Variants in MTSS1 observed in about 807,000 individuals in gnomAD.
MTSS1 encodes MTSS I-BAR domain containing 1.
MTSS1 carries 18 observed loss-of-function variants against 79.0 expected under a neutral mutation model. The ratio of observed to expected loss-of-function variants is 0.23; its 90% CI spans 0.16 to 0.34. The LOEUF is 0.34. Among genes scored for constraint, MTSS1 ranks in the 10% least tolerant of loss-of-function variants. The pLI is 1.00. For missense variants in MTSS1, 815 were observed against 986.2 expected (o/e 0.83, Z 2.33); for synonymous variants, 341 against 368.6 (o/e 0.93, Z 0.86).
intron 10 of MTSS1, chr8:124,558,690 G>T: frequency 6.6e-7 from 1 of 1,521,418 alleles, no homozygotes; most frequent in Non-Finnish European, 8.8e-7. Context: ...TGGGGCCGCT[G>T]TGGCTGCCAC....
intron 3 of MTSS1, among the ~76,000 whole-genome samples, chr8:124,670,912 C>T (rs895586469): frequency 3.3e-5 from 5 of 152,098 alleles, no homozygotes; most frequent in African/African-American, 9.7e-5. Flanking sequence ...TGCCAAAAGG[C>T]CAGGTCAACC....
intron 3 of MTSS1, among the ~76,000 whole-genome samples, chr8:124,686,684 T>C (rs1827039688): frequency 6.6e-6 from 1 of 151,956 alleles, no homozygotes; most frequent in African/African-American, 2.4e-5. Context: ...ACTGAGAGGG[T>C]GTAGAGGCCG....
At chr8:124,602,207 A>ATACACACACACATATATATATATATATAT in intron 3 of MTSS1, among the ~76,000 whole-genome samples, 4 of 142,212 alleles carry the variant, frequency 2.8e-5, no homozygotes, top group Non-Finnish European at 6.0e-5. Flanking sequence ...ATATATATAT[A>ATACACACACACATATATATATATATATAT]ATTTTTTTTT....
chr8:124,662,266 C>G (rs916776392), intron 3 of MTSS1, among the ~76,000 whole-genome samples: 1 of 152,154 alleles, frequency 6.6e-6, no homozygotes, highest in African/African-American at 2.4e-5. Flanking sequence ...TGAATAGAAG[C>G]TGCCTATCTG....
chr8:124,590,313 C>T (rs1831634045), intron 4 of MTSS1, among the ~76,000 whole-genome samples: 1 of 152,216 alleles, frequency 6.6e-6, no homozygotes, highest in Non-Finnish European at 1.5e-5. Context: ...ACAGGGACCC[C>T]CAAAATGCAA....
In MTSS1 at chr8:124,563,051, G is replaced by T; in HGVS notation, c.825-59C>A. On this transcript the variant is annotated intron_variant, in intron 9 of 13. Transcript: ENST00000518547. ...CGGAAGGTAAAGAAAGGGGAGCAGT[G>T]GTAAGAGGAAGGAGGAAGGAGGGGA... 3 of 1,445,798 alleles carry T rather than the reference G, an allele frequency of 2.1e-6. 1 individual carries two copies. The highest frequency in any genetic ancestry group is 2.4e-4 in the Middle Eastern group (1 of 4,254). 89.6% of individuals were successfully genotyped at this position (1,445,798 alleles called of 1,614,324 possible).
At chr8:124,677,888 G>A (rs1026607183) in intron 3 of MTSS1, among the ~76,000 whole-genome samples, 1 of 152,064 alleles carries the variant, frequency 6.6e-6, no homozygotes, top group Non-Finnish European at 1.5e-5. Context: ...AAAGTTAAAT[G>A]TTTCATTCCT....
chr8:124,717,833 T>G (rs994761011), intron 1 of MTSS1, among the ~76,000 whole-genome samples: 1 of 152,224 alleles, frequency 6.6e-6, no homozygotes, highest in Non-Finnish European at 1.5e-5. Flanking sequence ...CACTAGAATG[T>G]AAGTTCCAGG....
At chr8:124,677,302 A>C (rs1825467172) in intron 3 of MTSS1, among the ~76,000 whole-genome samples, 1 of 152,168 alleles carries the variant, frequency 6.6e-6, no homozygotes, top group Non-Finnish European at 1.5e-5. Flanking sequence ...CTTCCCTCCC[A>C]AGGGTACTTT....
intron 3 of MTSS1, among the ~76,000 whole-genome samples, chr8:124,599,980 G>C (rs958508762): frequency 1.3e-5 from 2 of 151,594 alleles, no homozygotes; most frequent in East Asian, 3.9e-4. Context: ...CACATTTGCT[G>C]TCTGTGTGGT....
In MTSS1 at chr8:124,553,577, C is replaced by T; in HGVS notation, c.1683G>A (p.Met561Ile). 6.2e-7 allele frequency: 1 copy of T among 1,614,192 alleles called. No homozygotes were observed. Among genetic ancestry groups the T allele is most frequent in the Non-Finnish European group, 8.5e-7 (1 of 1,180,028 alleles). The change falls in exon 14 of 14, where the codon ATG (methionine) becomes ATA (isoleucine). Residue 561 changes from methionine (M) to isoleucine (I), a missense_variant. Met to Ile is a conservative substitution (Grantham distance 10). Coordinates refer to ENST00000518547, the MANE Select transcript of MTSS1 (RefSeq NM_014751.6). This position sits in a 1 kb window ranked among gnomAD's most constrained non-coding sequence, Gnocchi z 6.0. Reference protein sequence around the residue: ...NSDISQSYRRMFQAKRPASTA... With the variant: ...NSDISQSYRRIFQAKRPASTA... ...TTGAGGCTGGACGCTTGGCTTGGAA[C>T]ATCCGTCGGTAGGACTGGCTGATGT... is the stretch of plus-strand genomic sequence containing the variant.
intron 4 of MTSS1, among the ~76,000 whole-genome samples, chr8:124,590,601 G>C (rs1280119975): frequency 2.0e-5 from 3 of 152,188 alleles, no homozygotes; most frequent in African/African-American, 7.2e-5. Flanking sequence ...TAAAACTGCT[G>C]AATGATGCTG....
At chr8:124,631,023 G>A (rs1054542371) in intron 3 of MTSS1, among the ~76,000 whole-genome samples, 3 of 152,184 alleles carry the variant, frequency 2.0e-5, no homozygotes, top group African/African-American at 7.2e-5. Flanking sequence ...AACTACACCT[G>A]GAGCCAGAAA....
At chr8:124,636,080 G>A (rs1386305494) in intron 3 of MTSS1, among the ~76,000 whole-genome samples, 1 of 152,114 alleles carries the variant, frequency 6.6e-6, no homozygotes, top group Non-Finnish European at 1.5e-5. Flanking sequence ...AGTCCAAAGA[G>A]CGCAGCCCTG....
At chr8:124,711,407 G>C (rs1460581552) in intron 1 of MTSS1, among the ~76,000 whole-genome samples, 1 of 152,168 alleles carries the variant, frequency 6.6e-6, no homozygotes, top group East Asian at 1.9e-4. Context: ...TTGGAGCAGA[G>C]AGCTCCAGGT....
intron 6 of MTSS1, among the ~76,000 whole-genome samples, chr8:124,571,769 GC>G (rs1208761436): frequency 6.6e-6 from 1 of 152,334 alleles, no homozygotes; most frequent in African/African-American, 2.4e-5. Context: ...TTCAAGACCA[GC>G]CTGGCCAATA....
intron 3 of MTSS1, among the ~76,000 whole-genome samples, chr8:124,624,291 C>T (rs953053672): frequency 1.8e-4 from 28 of 152,092 alleles, no homozygotes; most frequent in Admixed American, 1.2e-3. Flanking sequence ...CAAATGGCTC[C>T]GCGTTCAGAC....
rs1452499071 is a variant in MTSS1 at position 124,712,241 on chromosome 8, G to A, written c.73-8050C>T. On this transcript the variant is annotated intron_variant, in intron 1 of 13. Coordinates refer to ENST00000518547, the MANE Select transcript of MTSS1 (RefSeq NM_014751.6). ...ATCTCCAGCTGCCACAGCCACCCCT[G>A]CCACCATGACCCCTTCCCAGGTCTG... is the stretch of plus-strand genomic sequence containing the variant. 2.6e-5 allele frequency among the ~76,000 whole-genome samples: 4 copies of A among 152,250 alleles called. No individual in the cohort carries two copies. In the East Asian group the frequency reaches 5.8e-4, roughly 22 times the overall value.
In MTSS1 at chr8:124,699,542, C is replaced by T. The variant is rs149940047; in HGVS notation, c.192G>A (p.Met64Ile). The part of the protein sequence containing the change: ...FLDAFQKVAD[M>I]ATNTRGGTRE... Reference sequence around the variant, plus strand: ...TCTGCTTACCACGTGTGTTGGTGGCCATGTCAGCCACTTTCTGAAAGGCGT... The same window carrying T: ...TCTGCTTACCACGTGTGTTGGTGGCTATGTCAGCCACTTTCTGAAAGGCGT... Residue 64 changes from methionine to isoleucine, a missense_variant, in exon 3 of 14, where the codon ATG becomes ATA. This residue lies in a region of MTSS1 where 225 missense variants were observed against 365.4 expected (regional missense o/e 0.62). Transcript: ENST00000518547. 1.2e-4 allele frequency: 194 copies of T among 1,614,156 alleles called. No individual in the cohort carries two copies. In the African/African-American group the frequency reaches 2.4e-3, roughly 20 times the overall value.
Sources: gnomAD v4.1 joint callset for allele counts (sites outside exome capture counted in the v4.1 genomes callset) on GRCh38, gnomAD v4.1.1 for gene constraint, gnomAD v4.1.1 regional missense constraint, Gnocchi (gnomAD v3.1) non-coding constraint, MANE v1.5 for transcripts, NCBI Gene and HGNC (gene_info 2026-07-23, HGNC 2026-07-21) for gene names.